The following ARSJ variants were observed in gnomAD, a reference collection of about 807,000 sequenced individuals.
ARSJ encodes arylsulfatase family member J.
ARSJ carries 26 observed loss-of-function variants against 35.9 expected under a neutral mutation model. The observed-to-expected ratio is 0.72, with a 90% CI of 0.53 to 1.00. The LOEUF (loss-of-function observed/expected upper bound fraction) is 1.00, where lower values mean the gene tolerates loss of function less well. Ranked by LOEUF, ARSJ falls within the 50% of genes least tolerant of loss-of-function variation. The probability of loss-of-function intolerance (pLI) is 0.00; values close to 1 mark genes in which losing one functional copy is unlikely to be tolerated. For missense variants in ARSJ, 667 were observed against 723.6 expected (o/e 0.92, Z 0.90); for synonymous variants, 294 against 267.6 (o/e 1.10, Z -0.96).
intron 1 of ARSJ, among the ~76,000 whole-genome samples, chr4:113,961,556 G>A: frequency 6.6e-6 from 1 of 152,072 alleles, no homozygotes; most frequent in East Asian, 1.9e-4. Flanking sequence ...AAAGCCAGCA[G>A]TAATACAACT....
chr4:113,942,102 A>T (rs1476848566), intron 1 of ARSJ, among the ~76,000 whole-genome samples: 1 of 151,990 alleles, frequency 6.6e-6, no homozygotes, highest in Non-Finnish European at 1.5e-5. Context: ...TGAAGAGCCC[A>T]AGAGTGTAAG....
At position 113,905,114 on chromosome 4, in the gene ARSJ, G is replaced by A. The variant is rs567587441; in HGVS notation, c.399-1439C>T. 2.0e-5 allele frequency among the ~76,000 whole-genome samples: 3 copies of A among 152,240 alleles called. No homozygotes were observed. In the East Asian group the frequency reaches 5.8e-4, roughly 29 times the overall value. ...AAGAAGGGGTTATTATTACACAAGTGTATGAATTTTCACTTGGGCCATGAT... is the reference window on the plus strand; with the variant it reads ...AAGAAGGGGTTATTATTACACAAGTATATGAATTTTCACTTGGGCCATGAT... On this transcript the variant is annotated intron_variant, in intron 1 of 1. Coordinates refer to ENST00000315366, the MANE Select transcript of ARSJ (RefSeq NM_024590.4).
chr4:113,969,991 G>A (rs1189730984), intron 1 of ARSJ, among the ~76,000 whole-genome samples: 1 of 152,198 alleles, frequency 6.6e-6, no homozygotes, highest in Non-Finnish European at 1.5e-5. Flanking sequence ...ACAGAAAGGA[G>A]TAAGAAAGCT....
At chr4:113,977,745 A>G (rs948322865) in intron 1 of ARSJ, among the ~76,000 whole-genome samples, 3 of 152,236 alleles carry the variant, frequency 2.0e-5, no homozygotes, top group African/African-American at 7.2e-5. Flanking sequence ...AAGCATCCAA[A>G]TAGTCTGATT....
intron 1 of ARSJ, among the ~76,000 whole-genome samples, chr4:113,963,481 G>C (rs1012746434): frequency 2.0e-4 from 31 of 152,028 alleles, no homozygotes; most frequent in Admixed American, 3.3e-4. Flanking sequence ...CAGATCTTGT[G>C]AGAACTCACT....
chr4:113,926,680 T>C (rs1174671275), intron 1 of ARSJ, among the ~76,000 whole-genome samples: 1 of 152,108 alleles, frequency 6.6e-6, no homozygotes, highest in Non-Finnish European at 1.5e-5. Context: ...TTACATTTGA[T>C]GATGGAATGC....
At chr4:113,943,520 G>T (rs923097776) in intron 1 of ARSJ, 1 of 151,990 alleles carries the variant, frequency 6.6e-6, no homozygotes, top group Non-Finnish European at 1.5e-5. Context: ...GTATAGATGA[G>T]ACAGGGCTTC....
Position 113,902,518 on chromosome 4 carries a change from A to G in ARSJ, c.1556T>C (p.Leu519Pro), listed in dbSNP as rs1355916611. The change falls in exon 2 of 2, where the codon CTC (leucine) becomes CCC (proline). Residue 519 changes from leucine to proline, a missense_variant. Leu to Pro is a moderately conservative substitution (Grantham distance 98, BLOSUM62 -3). Coordinates refer to ENST00000315366, the MANE Select transcript of ARSJ (RefSeq NM_024590.4). The stretch of plus-strand genomic sequence containing the variant: ...GTTGAACTGTGAGAGCCTCCGTAGG[A>G]GCTTCTTCACGATTCCTGGATACCT... ...SNRYPGIVKK[L>P]LRRLSQFNKT... 5 of 1,613,958 alleles carry G rather than the reference A, an allele frequency of 3.1e-6. No homozygotes were observed. The highest frequency in any genetic ancestry group is 4.2e-6 in the Non-Finnish European group (5 of 1,180,022).
intron 1 of ARSJ, among the ~76,000 whole-genome samples, chr4:113,931,952 T>C (rs1289337822): frequency 6.6e-6 from 1 of 151,972 alleles, no homozygotes; most frequent in African/African-American, 2.4e-5. Flanking sequence ...ATGCTGCTTA[T>C]AAGAAACCAA....
intron 1 of ARSJ, among the ~76,000 whole-genome samples, chr4:113,960,830 T>C (rs543154444): frequency 1.6e-4 from 24 of 152,146 alleles, no homozygotes; most frequent in African/African-American, 5.8e-4. Context: ...CCCTGGAGAT[T>C]GGCAGAAGTG....
chr4:113,905,420 A>ACAT (rs1252088248), intron 1 of ARSJ, among the ~76,000 whole-genome samples: 1 of 152,114 alleles, frequency 6.6e-6, no homozygotes, highest in Non-Finnish European at 1.5e-5. Context: ...TGAAACTATG[A>ACAT]GCTTTTTGAA....
intron 1 of ARSJ, among the ~76,000 whole-genome samples, chr4:113,936,295 G>A (rs1724762923): frequency 6.6e-6 from 1 of 151,880 alleles, no homozygotes; most frequent in Non-Finnish European, 1.5e-5. Flanking sequence ...TCACTGATAA[G>A]TGATATTTGT....
chr4:113,902,559 C>A lies in ARSJ; in HGVS notation c.1515G>T (p.Arg505Ser), dbSNP rs765467724. ...CTGGATACCTGTTAGATAGGTCCACCCTCTCATATGGGTCGGCTGTGATGT... is the reference window on the plus strand; with the variant it reads ...CTGGATACCTGTTAGATAGGTCCACACTCTCATATGGGTCGGCTGTGATGT... ...LFNITADPYE[R>S]VDLSNRYPGI... The change falls in exon 2 of 2, where the codon AGG (arginine) becomes AGT (serine). Residue 505 changes from arginine (R) to serine (S), a missense_variant. By Grantham distance (110) the Arg-to-Ser change is moderately radical. Coordinates refer to ENST00000315366, the MANE Select transcript of ARSJ (RefSeq NM_024590.4). The A allele has an allele frequency of 6.2e-7, 1 of 1,614,100 alleles. No individual in the cohort carries two copies. Among genetic ancestry groups the A allele is most frequent in the South Asian group, 1.1e-5 (1 of 91,068 alleles).
intron 1 of ARSJ, among the ~76,000 whole-genome samples, chr4:113,938,453 C>T (rs1724910761): frequency 6.6e-6 from 1 of 152,024 alleles, no homozygotes; most frequent in African/African-American, 2.4e-5. Context: ...AAAATCTAGG[C>T]AATACCATTT....
intron 1 of ARSJ, among the ~76,000 whole-genome samples, chr4:113,957,584 A>G (rs1726263457): frequency 1.3e-5 from 2 of 151,994 alleles, no homozygotes; most frequent in African/African-American, 4.8e-5. Flanking sequence ...AAACCCATCA[A>G]CTCTGAGCTC....
chr4:113,932,805 A>T lies in ARSJ; in HGVS notation c.399-29130T>A, dbSNP rs939505292. On this transcript the variant is annotated intron_variant, in intron 1 of 1. Coordinates refer to ENST00000315366, the MANE Select transcript of ARSJ (RefSeq NM_024590.4). ...TACTGATTTACCTCAAGAAATAGAA[A>T]AGCAAGAACAAATTAAACTCAACCT... is the stretch of plus-strand genomic sequence containing the variant. 3.3e-5 allele frequency among the ~76,000 whole-genome samples: 5 copies of T among 152,024 alleles called. 1 individual carries two copies. Among genetic ancestry groups the T allele is most frequent in the African/African-American group, 1.2e-4 (5 of 41,446 alleles).
chr4:113,914,944 G>A (rs78907329), intron 1 of ARSJ, among the ~76,000 whole-genome samples: 2,085 of 152,166 alleles, frequency 0.014, 21 homozygotes, highest in Non-Finnish European at 0.02. Flanking sequence ...ATTTATAAAG[G>A]GCATTTATAA....
At chr4:113,960,387 A>G (rs1726470506) in intron 1 of ARSJ, among the ~76,000 whole-genome samples, 1 of 152,088 alleles carries the variant, frequency 6.6e-6, no homozygotes, top group South Asian at 2.1e-4. Flanking sequence ...TCTACTTCAC[A>G]AACCTTGCTG....
Position 113,954,383 on chromosome 4 carries a change from G to A in ARSJ, c.398+24054C>T, listed in dbSNP as rs139586107. 4.6e-3 allele frequency among the ~76,000 whole-genome samples: 696 copies of A among 152,092 alleles called. 6 individuals are homozygous for A. The highest frequency in any genetic ancestry group is 0.016 in the African/African-American group (665 of 41,542). ...AACAACTTCAGGTTTATAGACTGGA[G>A]ACCCATAATTCATATTATTTGTTAT... On this transcript the variant is annotated intron_variant, in intron 1 of 1. Coordinates refer to ENST00000315366, the MANE Select transcript of ARSJ (RefSeq NM_024590.4).
Sources: allele counts gnomAD v4.1 joint callset (sites outside exome capture counted in the v4.1 genomes callset), GRCh38; gene constraint gnomAD v4.1.1; transcripts MANE v1.5; gene names NCBI Gene and HGNC (gene_info 2026-07-23, HGNC 2026-07-21).